The following NME7 variants were observed in gnomAD, a reference collection of about 807,000 sequenced individuals.
NME7 encodes nucleoside diphosphate kinase 7.
Under a neutral mutation model 49.1 loss-of-function variants are expected in NME7, and 41 were observed. The observed-to-expected ratio is 0.83, with a 90% CI of 0.65 to 1.08. The LOEUF (loss-of-function observed/expected upper bound fraction) is 1.08. NME7 is among the 50% of genes least tolerant of loss of function. The pLI is 0.00. For synonymous variants in NME7, 139 were observed against 150.6 expected (o/e 0.92, Z 0.56); for missense variants, 423 against 463.4 (o/e 0.91, Z 0.80).
chr1:169,302,691 T>C (rs1650996122), intron 5 of NME7, among the ~76,000 whole-genome samples: 1 of 151,786 alleles, frequency 6.6e-6, no homozygotes, highest in Non-Finnish European at 1.5e-5. Context: ...ATGGGATCAA[T>C]TGTACCCCAA....
rs907293194 is a variant in NME7, at chr1:169,260,888, AGAG to A, written c.755-23204_755-23202del. On this transcript the variant is annotated intron_variant, in intron 7 of 11. Transcript: ENST00000367811. ...CAGACAAGTGAATGAAAAACAGGCAAGAGGAGTGGCACTGTCATCAAAATTCTG... is the reference window on the plus strand; with the variant it reads ...CAGACAAGTGAATGAAAAACAGGCAAGAGTGGCACTGTCATCAAAATTCTG... 1.9e-4 allele frequency among the ~76,000 whole-genome samples: 25 copies of A among 133,348 alleles called. 3 individuals carry two copies. The highest frequency in any genetic ancestry group is 6.4e-4 in the African/African-American group (25 of 39,162). 87.5% of individuals were successfully genotyped at this position (133,348 alleles called of 152,430 possible).
At chr1:169,302,305 G>T (rs929499390) in intron 5 of NME7, 1 of 152,022 alleles carries the variant, frequency 6.6e-6, no homozygotes, top group Non-Finnish European at 1.5e-5. Context: ...ACATGCACTT[G>T]CCTGTTCATT....
At chr1:169,303,837 T>G (rs1057047260) in intron 4 of NME7, among the ~76,000 whole-genome samples, 4 of 152,196 alleles carry the variant, frequency 2.6e-5, no homozygotes, top group South Asian at 2.1e-4. Flanking sequence ...CTTTAAAGTC[T>G]AAATAAGTTG....
intron 10 of NME7, among the ~76,000 whole-genome samples, chr1:169,222,837 T>A (rs76259987): frequency 0.017 from 2,651 of 152,326 alleles, 30 homozygotes; most frequent in Non-Finnish European, 0.027. Context: ...AGATAATTTG[T>A]TTTTGCTATG....
chr1:169,227,726 C>T (rs1329458231), intron 10 of NME7, among the ~76,000 whole-genome samples: 2 of 152,098 alleles, frequency 1.3e-5, no homozygotes, highest in Non-Finnish European at 2.9e-5. Context: ...ATCCTATTAC[C>T]TCCCAAAGGC....
rs769769515 is a variant in NME7, at chr1:169,323,233, G to T, written c.162C>A (p.Asn54Lys). ...RTFLKRTKYD[N>K]LHLEDLFIGN... ...CTATAAATAAATCTTCCAAGTGCAG[G>T]TTATCATATTTGGTCCGCTTTAAAA... The change falls in exon 3 of 12, where the codon AAC becomes AAA. Residue 54 changes from asparagine (N) to lysine (K), a missense_variant. Asn to Lys is a moderately conservative substitution (Grantham distance 94). Coordinates refer to ENST00000367811, the MANE Select transcript of NME7 (RefSeq NM_013330.5). The T allele has an allele frequency of 6.2e-7, 1 of 1,606,694 alleles. No homozygotes were observed. Among genetic ancestry groups the T allele is most frequent in the South Asian group, 1.1e-5 (1 of 89,310 alleles).
Position 169,273,966 on chromosome 1 carries a change from G to A in NME7, c.754+13337C>T, listed in dbSNP as rs1013883169. 8.3e-5 allele frequency among the ~76,000 whole-genome samples: 11 copies of A among 132,148 alleles called. 3 individuals are homozygous for A. The highest frequency in any genetic ancestry group is 1.5e-4 in the African/African-American group (6 of 39,062). The allele number at this position is 132,148 out of a possible 152,430, so 86.7% of individuals were successfully genotyped here. ...TAGCAGCATGATTTATAGTCCTTTA[G>A]GTATATATTATACCAGTAATGGGAT... On this transcript the variant is annotated intron_variant, in intron 7 of 11. Coordinates refer to ENST00000367811, the MANE Select transcript of NME7 (RefSeq NM_013330.5).
At chr1:169,170,413 T>TAA (rs1659551071) in intron 10 of NME7, among the ~76,000 whole-genome samples, 1 of 152,254 alleles carries the variant, frequency 6.6e-6, no homozygotes, top group Non-Finnish European at 1.5e-5. Flanking sequence ...TGTGGTTCCA[T>TAA]CACTTAAGGA....
intron 11 of NME7, among the ~76,000 whole-genome samples, chr1:169,158,523 C>A (rs1270453348): frequency 6.6e-6 from 1 of 152,006 alleles, no homozygotes; most frequent in South Asian, 2.1e-4. Context: ...CCATGAATAA[C>A]GGGGCTCTAC....
chr1:169,210,286 A>G (rs1362383126), intron 10 of NME7, among the ~76,000 whole-genome samples: 2 of 152,300 alleles, frequency 1.3e-5, no homozygotes, highest in East Asian at 3.9e-4. Context: ...CCACTACACT[A>G]GAAGATATGC....
In NME7 at chr1:169,275,265, G is replaced by C. The variant is rs547699874; in HGVS notation, c.754+12038C>G. ...GAGCTCACTCATGATTTGGCTCTCT[G>C]TTTGTCTGTTATTGGTGTATAAGAA... is the stretch of plus-strand genomic sequence containing the variant. On this transcript the variant is annotated intron_variant, in intron 7 of 11. Transcript: ENST00000367811. Among the ~76,000 whole-genome samples, 101 of 130,314 alleles carry C rather than the reference G, an allele frequency of 7.8e-4. 21 individuals carry two copies. The South Asian group carries it at 0.015, about 20-fold the overall frequency. 85.5% of individuals were successfully genotyped at this position (130,314 alleles called of 152,430 possible).
chr1:169,309,472 A>C lies in NME7; in HGVS notation c.389+498T>G, dbSNP rs139954582. On this transcript the variant is annotated intron_variant, in intron 4 of 11. Transcript: ENST00000367811. ...ACAGCTGAAAATCACCATGACAATG[A>C]CCGGAAGAGGCCATAAAAAGACAAA... Among the ~76,000 whole-genome samples the C allele has an allele frequency of 3.7e-3, 566 of 152,280 alleles. 3 individuals carry two copies. Among genetic ancestry groups the C allele is most frequent in the Admixed American group, 8.0e-3 (122 of 15,290 alleles).
chr1:169,337,112 G>T (rs958179718), intron 1 of NME7, among the ~76,000 whole-genome samples: 1 of 152,210 alleles, frequency 6.6e-6, no homozygotes, highest in Non-Finnish European at 1.5e-5. Context: ...GGGACTGGGC[G>T]CCATGGAGCA....
At chr1:169,354,890 GAATAT>G (rs1193222879) in intron 1 of NME7, among the ~76,000 whole-genome samples, 2 of 115,514 alleles carry the variant, frequency 1.7e-5, no homozygotes, top group African/African-American at 6.6e-5. Flanking sequence ...AATATATAAT[GAATAT>G]AATATAAAAT....
At chr1:169,273,348 C>G (rs1649562833) in intron 7 of NME7, among the ~76,000 whole-genome samples, 1 of 131,948 alleles carries the variant, frequency 7.6e-6, no homozygotes, top group Admixed American at 7.5e-5. Context: ...CTGAGAATGA[C>G]AGTTTCCAGC....
At chr1:169,148,714 T>C (rs1434338183) in intron 11 of NME7, among the ~76,000 whole-genome samples, 1 of 152,134 alleles carries the variant, frequency 6.6e-6, no homozygotes. Context: ...ATGAGTGAAT[T>C]GGTTTCATCT....
At chr1:169,213,197 A>G (rs953148744) in intron 10 of NME7, among the ~76,000 whole-genome samples, 2 of 152,182 alleles carry the variant, frequency 1.3e-5, no homozygotes, top group Non-Finnish European at 2.9e-5. Context: ...AGAAATACAC[A>G]CAAAACAAGG....
At chr1:169,199,450 T>TTTATTATTA (rs150975177) in intron 10 of NME7, among the ~76,000 whole-genome samples, 10 of 111,556 alleles carry the variant, frequency 9.0e-5, no homozygotes, top group African/African-American at 2.3e-4. Flanking sequence ...CAGGGTCTTT[T>TTTATTATTA]TTATTATTAT....
At chr1:169,147,996 G>A (rs1658807251) in intron 11 of NME7, among the ~76,000 whole-genome samples, 2 of 123,594 alleles carry the variant, frequency 1.6e-5, no homozygotes, top group Admixed American at 9.0e-5. Flanking sequence ...TTTCTTTCAA[G>A]TTTCTTTTAT....
Sources: gnomAD v4.1 joint callset for allele counts (sites outside exome capture counted in the v4.1 genomes callset) on GRCh38, gnomAD v4.1.1 for gene constraint, MANE v1.5 for transcripts, NCBI Gene and HGNC (gene_info 2026-07-23, HGNC 2026-07-21) for gene names.